CBL: variants seen among roughly 807,000 people sequenced by gnomAD.
CBL encodes the protein E3 ubiquitin-protein ligase CBL.
A neutral mutation model predicts 96.9 loss-of-function variants in CBL; 45 were observed. The observed-to-expected ratio is 0.46, with a 90% CI of 0.37 to 0.60. The LOEUF (loss-of-function observed/expected upper bound fraction) is 0.60. Among genes scored for constraint, CBL ranks in the 20% least tolerant of loss-of-function variants. CBL has a pLI of 0.00. For missense variants in CBL, 1,024 were observed against 1,143.5 expected (o/e 0.90, Z 1.51); for synonymous variants, 420 against 426.8 (o/e 0.98, Z 0.20).
chr11:119,250,188 T>C (rs1565864590), intron 2 of CBL, among the ~76,000 whole-genome samples: 1 of 152,212 alleles, frequency 6.6e-6, no homozygotes, highest in Non-Finnish European at 1.5e-5. Flanking sequence ...TTTGATCCTT[T>C]TAAACCTTGT....
intron 12 of CBL, among the ~76,000 whole-genome samples, chr11:119,291,207 G>C (rs917381297): frequency 6.6e-6 from 1 of 152,040 alleles, no homozygotes; most frequent in African/African-American, 2.4e-5. Flanking sequence ...GACCAGTCTG[G>C]GCAACATAGT....
Position 119,284,961 on chromosome 11 carries a change from TA to T in CBL, c.1432-7del. On this transcript the variant is annotated splice_region_variant and splice_polypyrimidine_tract_variant and intron_variant, in intron 9 of 15. Coordinates refer to ENST00000264033, the MANE Select transcript of CBL (RefSeq NM_005188.4). ...AAAGTAATCTGTTAAATTTTTTATG[TA>T]CCCTAGGTGGAACGGCCGCCTTCTC... 1 of 1,614,094 alleles carries T rather than the reference TA, an allele frequency of 6.2e-7. No individual in the cohort carries two copies. The highest frequency in any genetic ancestry group is 8.5e-7 in the Non-Finnish European group (1 of 1,180,018).
At position 119,304,873 on chromosome 11, in the gene CBL, C is replaced by T; in HGVS notation, c.*5092C>T. The T allele has an allele frequency of 5.3e-6, 1 of 189,708 alleles. No homozygotes were observed. Among genetic ancestry groups the T allele is most frequent in the Admixed American group, 6.2e-5 (1 of 16,236 alleles). 11.8% of individuals were successfully genotyped at this position (189,708 alleles called of 1,614,324 possible). ...ACTCCTGACCCTCATGATCCACCCA[C>T]CTCGGCCTCCCAAAGTGCTAAGATT... On this transcript the variant is annotated 3_prime_UTR_variant, in exon 16 of 16. Coordinates refer to ENST00000264033, the MANE Select transcript of CBL (RefSeq NM_005188.4).
chr11:119,283,621 C>CTTTTTTTTT (rs1410071154), intron 9 of CBL, among the ~76,000 whole-genome samples: 9 of 36,504 alleles, frequency 2.5e-4, no homozygotes, highest in South Asian at 1.4e-3. Flanking sequence ...CTTTTTAATT[C>CTTTTTTTTT]TTTCTTTTTT....
rs556126749 is a variant in CBL at position 119,208,061 on chromosome 11, T to C, written c.195+1449T>C. 5.9e-5 allele frequency among the ~76,000 whole-genome samples: 9 copies of C among 152,342 alleles called. No individual in the cohort carries two copies. The South Asian group carries it at 1.4e-3, about 25-fold the overall frequency. The stretch of plus-strand genomic sequence containing the variant: ...TTGTAATTAATGACACAAGTATTCG[T>C]GTGTTGATTATATTGGTGGTGTAGT... On this transcript the variant is annotated intron_variant, in intron 1 of 15. Coordinates refer to ENST00000264033, the MANE Select transcript of CBL (RefSeq NM_005188.4).
At chr11:119,239,826 G>A (rs1019592895) in intron 2 of CBL, among the ~76,000 whole-genome samples, 2 of 151,628 alleles carry the variant, frequency 1.3e-5, no homozygotes, top group Non-Finnish European at 2.9e-5. Flanking sequence ...AGTTGTTAGA[G>A]ACCTTTTATG....
At position 119,299,575 on chromosome 11, in the gene CBL, A is replaced by G. The variant is rs748936051; in HGVS notation, c.2515A>G (p.Ser839Gly). 1.5e-5 allele frequency: 25 copies of G among 1,614,098 alleles called. No homozygotes were observed. The highest frequency in any genetic ancestry group is 1.4e-5 in the Non-Finnish European group (17 of 1,180,046). The stretch of plus-strand genomic sequence containing the variant: ...AATCAACTCTGAACGGAAAGCTGGC[A>G]GCTGTCAGCAAGGTAGTGGTCCTGC... ...RRINSERKAGSCQQGSGPAAS... is the reference protein window; with the variant it reads ...RRINSERKAGGCQQGSGPAAS... The change falls in exon 16 of 16, where the codon AGC becomes GGC. Residue 839 changes from serine (S) to glycine (G), a missense_variant. Around this residue, in one of 4 missense-constraint regions of CBL, gnomAD observed 695 missense variants for 661.6 expected, o/e 1.05. Transcript: ENST00000264033.
chr11:119,298,323 G>A (rs370265554), intron 14 of CBL, 35 bp from the exon 15 acceptor site: 33 of 1,589,862 alleles, frequency 2.1e-5, no homozygotes, highest in East Asian at 6.7e-5. Context: ...GATGAAGTGC[G>A]TCAGAAGAAG....
At chr11:119,292,822 G>A (rs993227556) in intron 12 of CBL, among the ~76,000 whole-genome samples, 1 of 150,578 alleles carries the variant, frequency 6.6e-6, no homozygotes, top group African/African-American at 2.4e-5. Flanking sequence ...TAGATACGGG[G>A]TTTTGCTGTG....
intron 9 of CBL, among the ~76,000 whole-genome samples, chr11:119,282,988 G>T (rs1320064550): frequency 6.6e-6 from 1 of 151,926 alleles, no homozygotes; most frequent in African/African-American, 2.4e-5. Flanking sequence ...CCAGCTACTT[G>T]AGAGGCTGAG....
intron 1 of CBL, among the ~76,000 whole-genome samples, chr11:119,213,188 C>T (rs899067687): frequency 6.6e-6 from 1 of 152,138 alleles, no homozygotes; most frequent in African/African-American, 2.4e-5. Context: ...ACCTTGCCTT[C>T]CCTGTGCCTC....
At chr11:119,278,812 T>G (rs752722884) in intron 9 of CBL, 99 bp downstream of exon 9, 13 of 866,878 alleles carry the variant, frequency 1.5e-5, no homozygotes, top group Non-Finnish European at 2.5e-5. Flanking sequence ...ATAGGTAGTA[T>G]TAATAGCTAA....
intron 15 of CBL, 131 bp downstream of exon 15, chr11:119,298,671 G>A: frequency 2.4e-6 from 2 of 836,038 alleles, no homozygotes; most frequent in East Asian, 2.5e-5. Context: ...TAAATGGGAG[G>A]AAAGTCCCAA....
At chr11:119,291,280 T>C (rs1950025330) in intron 12 of CBL, among the ~76,000 whole-genome samples, 1 of 152,122 alleles carries the variant, frequency 6.6e-6, no homozygotes, top group Admixed American at 6.5e-5. Flanking sequence ...TAGTCCCAGC[T>C]ACTGGGGAGG....
intron 1 of CBL, among the ~76,000 whole-genome samples, chr11:119,222,177 ATT>A (rs1472028536): frequency 2.7e-5 from 4 of 148,734 alleles, no homozygotes; most frequent in Non-Finnish European, 4.5e-5. Flanking sequence ...AGATAAAAAT[ATT>A]TATTTTAGTC....
intron 12 of CBL, among the ~76,000 whole-genome samples, chr11:119,296,645 G>A (rs138157589): frequency 1.3e-4 from 20 of 152,258 alleles, no homozygotes; most frequent in African/African-American, 4.3e-4. Context: ...AACTTCTGTG[G>A]GGGATTAGGA....
rs11217214 is a variant in CBL, at chr11:119,245,618, A to C, written c.443+12923A>C. Among the ~76,000 whole-genome samples the C allele has an allele frequency of 4.5e-3, 687 of 152,090 alleles. 8 individuals are homozygous for C. The highest frequency in any genetic ancestry group is 3.9e-3 in the Non-Finnish European group (265 of 67,986). ...GTGGTGGGTACCTGTAATCCCAGCTACTCGGGAGGCTGAGGCAGGAGAATC... is the reference window on the plus strand; with the variant it reads ...GTGGTGGGTACCTGTAATCCCAGCTCCTCGGGAGGCTGAGGCAGGAGAATC... On this transcript the variant is annotated intron_variant, in intron 2 of 15. Coordinates refer to ENST00000264033, the MANE Select transcript of CBL (RefSeq NM_005188.4).
At chr11:119,278,367 T>A (rs2135304104) in intron 8 of CBL, 70 bp downstream of exon 8, 2 of 1,580,952 alleles carry the variant, frequency 1.3e-6, no homozygotes, top group Non-Finnish European at 1.7e-6. Flanking sequence ...ATATAGCCTT[T>A]ACTGATACAA....
intron 11 of CBL, 41 bp downstream of exon 11, chr11:119,285,607 ATG>A: frequency 6.2e-7 from 1 of 1,604,376 alleles, no homozygotes; most frequent in Non-Finnish European, 8.5e-7. Flanking sequence ...GTTAAGAAAT[ATG>A]TGTGGGCCAG....
Sources: gnomAD v4.1 joint callset for allele counts (sites outside exome capture counted in the v4.1 genomes callset) on GRCh38, gnomAD v4.1.1 for gene constraint, gnomAD v4.1.1 regional missense constraint, MANE v1.5 for transcripts, NCBI Gene and HGNC (gene_info 2026-07-23, HGNC 2026-07-21) for gene names.